Variants in DNAH3 observed in about 807,000 individuals in gnomAD.
DNAH3 encodes the protein axonemal beta dynein heavy chain 3.
In DNAH3, 332 loss-of-function variants were observed where a neutral mutation model predicts 432.5. That is an observed-to-expected ratio of 0.77 (90% CI 0.70 to 0.84). The LOEUF (loss-of-function observed/expected upper bound fraction) is 0.84. Among genes scored for constraint, DNAH3 ranks in the 40% least tolerant of loss-of-function variants. The pLI is 0.00. For missense variants in DNAH3, 4,861 were observed against 5,114.0 expected (o/e 0.95, Z 1.51); for synonymous variants, 1,956 against 1,900.2 (o/e 1.03, Z -0.76).
At chr16:21,143,711 G>A (rs1304789269) in intron 3 of DNAH3, among the ~76,000 whole-genome samples, 1 of 152,188 alleles carries the variant, frequency 6.6e-6, no homozygotes, top group Admixed American at 6.5e-5. Context: ...CCTAGAGACT[G>A]TGGGTGTGTA....
At chr16:21,068,604 C>T (rs899912583) in intron 23 of DNAH3, among the ~76,000 whole-genome samples, 20 of 152,176 alleles carry the variant, frequency 1.3e-4, no homozygotes, top group African/African-American at 2.2e-4. Context: ...CGTGAGCCAC[C>T]GCACTCAGCC....
At chr16:21,020,395 ATATTTTTT>A (rs1339489361) in intron 40 of DNAH3, among the ~76,000 whole-genome samples, 2 of 28,214 alleles carry the variant, frequency 7.1e-5, no homozygotes, top group Admixed American at 5.3e-4. Flanking sequence ...ATATATATAT[ATATTTTTT>A]TTTTTTTTTT....
At chr16:21,020,694 G>T (rs903375402) in intron 40 of DNAH3, among the ~76,000 whole-genome samples, 1 of 151,768 alleles carries the variant, frequency 6.6e-6, no homozygotes, top group East Asian at 1.9e-4. Context: ...GTGAGAGACC[G>T]CACCCGGCCT....
intron 36 of DNAH3, among the ~76,000 whole-genome samples, chr16:21,031,999 C>A (rs975119433): frequency 6.6e-6 from 1 of 151,476 alleles, no homozygotes; most frequent in African/African-American, 2.4e-5. Context: ...CATGCCACTG[C>A]ACTCCAGCCT....
chr16:21,111,516 T>C, intron 14 of DNAH3, 110 bp downstream of exon 14: 1 of 1,134,014 alleles, frequency 8.8e-7, no homozygotes, highest in Middle Eastern at 2.8e-4. Context: ...AGAAAAAACT[T>C]GATCTAGAAA....
At chr16:21,017,093 C>A (rs572445227) in intron 41 of DNAH3, among the ~76,000 whole-genome samples, 3 of 151,998 alleles carry the variant, frequency 2.0e-5, no homozygotes, top group Non-Finnish European at 4.4e-5. Context: ...GTGATGGTTG[C>A]CCAACAATGT....
Position 21,140,631 on chromosome 16 carries a change from T to C in DNAH3, c.601A>G (p.Arg201Gly), listed in dbSNP as rs763279266. 32 of 1,614,096 alleles carry C rather than the reference T, an allele frequency of 2.0e-5. No individual in the cohort carries two copies. In the East Asian group the frequency reaches 6.5e-4, roughly 33 times the overall value. ...AGCTGCTGTTCTGGACTCATTGGTC[T>C]GCTTCCTGGGAACGTCAAAGATGTC... The change falls in exon 5 of 62, where the codon AGA becomes GGA. Residue 201 changes from arginine (R) to glycine (G), a missense_variant. Arg to Gly is a moderately radical substitution (Grantham distance 125, BLOSUM62 -2). Coordinates refer to ENST00000261383, the Ensembl canonical transcript of DNAH3.
At chr16:21,117,463 C>T (rs2092232363) in intron 11 of DNAH3, 124 bp from the exon 12 acceptor site, 3 of 672,436 alleles carry the variant, frequency 4.5e-6, no homozygotes, top group Middle Eastern at 4.8e-4. Flanking sequence ...TCTATTTCCT[C>T]TTAGATAGTG....
At chr16:21,008,203 GTC>G (rs148269667) in intron 41 of DNAH3, among the ~76,000 whole-genome samples, 30 of 150,000 alleles carry the variant, frequency 2.0e-4, no homozygotes, top group African/African-American at 2.9e-4. Flanking sequence ...TCTCTCCTCT[GTC>G]TCTCTCTCTC....
chr16:20,938,442 G>A (rs1443864079), intron 59 of DNAH3, among the ~76,000 whole-genome samples: 1 of 151,664 alleles, frequency 6.6e-6, no homozygotes, highest in Non-Finnish European at 1.5e-5. Context: ...TTGCTAAGCA[G>A]TCAAGGGTAA....
At chr16:21,155,909 G>A (rs1455735291) in intron 1 of DNAH3, among the ~76,000 whole-genome samples, 1 of 152,118 alleles carries the variant, frequency 6.6e-6, no homozygotes, top group Non-Finnish European at 1.5e-5. Context: ...GCTCATTCCT[G>A]AGGCCTAAAA....
chr16:20,949,208 G>A (rs1158807803), intron 56 of DNAH3, among the ~76,000 whole-genome samples: 4 of 141,690 alleles, frequency 2.8e-5, no homozygotes, highest in East Asian at 2.0e-4. Flanking sequence ...TGTCTGGACC[G>A]CAGAGCTACA....
intron 23 of DNAH3, 122 bp downstream of exon 23, chr16:21,069,293 T>C (rs753363163): frequency 8.8e-5 from 77 of 874,306 alleles, no homozygotes; most frequent in Non-Finnish European, 1.3e-4. Context: ...GAAGAAGATA[T>C]AAAAAGATTG....
intron 49 of DNAH3, among the ~76,000 whole-genome samples, chr16:20,980,281 A>C (rs2085822251): frequency 7.1e-6 from 1 of 141,088 alleles, no homozygotes; most frequent in Non-Finnish European, 1.5e-5. Flanking sequence ...TATACATCAT[A>C]TATTATAATA....
chr16:21,131,288 T>C (rs1386134387), intron 7 of DNAH3, among the ~76,000 whole-genome samples: 1 of 151,612 alleles, frequency 6.6e-6, no homozygotes, highest in Non-Finnish European at 1.5e-5. Context: ...ATCATGCCAC[T>C]GCACCACACC....
exon 39 of DNAH3, chr16:21,024,674 A>G (rs765781678): frequency 6.2e-7 from 1 of 1,613,778 alleles, no homozygotes; most frequent in South Asian, 1.1e-5. Flanking sequence ...AGCCTAGTTG[A>G]TGGGGCTCCA....
rs781451866 is a variant in DNAH3, at chr16:20,954,966, G to A, written c.10918C>T (p.Arg3640Trp). ...AGGTAGGAGCGCAACAGGTTGGCCC[G>A]GAGCCCTTTGGGGGGCTCATTGGTC... is the stretch of plus-strand genomic sequence containing the variant. Residue 3640 changes from arginine (R) to tryptophan (W), a missense_variant, in exon 55 of 62, where the codon CGG becomes TGG. Coordinates refer to ENST00000261383, the Ensembl canonical transcript of DNAH3. The A allele has an allele frequency of 5.1e-5, 82 of 1,614,008 alleles. No homozygotes were observed. The highest frequency in any genetic ancestry group is 5.9e-5 in the Non-Finnish European group (70 of 1,180,016).
At chr16:21,095,536 A>G (rs1267458367) in intron 18 of DNAH3, among the ~76,000 whole-genome samples, 4 of 152,178 alleles carry the variant, frequency 2.6e-5, no homozygotes, top group Non-Finnish European at 5.9e-5. Flanking sequence ...GCCAGGGGTT[A>G]CAACTGGGGG....
At chr16:20,959,648 CA>C (rs1567529752) in intron 53 of DNAH3, among the ~76,000 whole-genome samples, 16 of 150,960 alleles carry the variant, frequency 1.1e-4, no homozygotes, top group African/African-American at 3.6e-4. Flanking sequence ...CACACACACA[CA>C]CACACACCCC....
Sources: gnomAD v4.1 joint callset for allele counts (sites outside exome capture counted in the v4.1 genomes callset) on GRCh38, gnomAD v4.1.1 for gene constraint, MANE v1.5 for transcripts, NCBI Gene and HGNC (gene_info 2026-07-23, HGNC 2026-07-21) for gene names.